PAN3: variants seen among roughly 807,000 people sequenced by gnomAD.
PAN3 encodes the protein PAN2-PAN3 deadenylation complex subunit PAN3.
A neutral mutation model predicts 96.2 loss-of-function variants in PAN3; 19 were observed. The ratio of observed to expected loss-of-function variants is 0.20; its 90% confidence interval spans 0.14 to 0.29. The LOEUF is 0.29. Among genes scored for constraint, PAN3 ranks in the 10% least tolerant of loss-of-function variants. The pLI, the probability that PAN3 is intolerant of heterozygous loss-of-function variation, is 1.00. For missense variants in PAN3, 882 were observed against 1,108.1 expected, an observed-to-expected ratio of 0.80 and a Z score of 2.90; for synonymous variants, 433 against 406.6, an observed-to-expected ratio of 1.06 and a Z score of -0.78.
intron 18 of PAN3, among the ~76,000 whole-genome samples, chr13:28,290,331 C>T (rs1225142291): frequency 1.3e-5 from 2 of 152,130 alleles, no homozygotes; most frequent in East Asian, 3.9e-4. Flanking sequence ...ACTACTTTGC[C>T]TTCCTTTAAC....
Position 28,220,334 on chromosome 13 carries a change from C to T in PAN3, c.956C>T (p.Ser319Phe), listed in dbSNP as rs544364853. The T allele has an allele frequency of 6.2e-7, 1 of 1,613,800 alleles. No homozygotes were observed. The highest frequency in any genetic ancestry group is 8.5e-7 in the Non-Finnish European group (1 of 1,179,790). The change falls in exon 6 of 19, where the codon TCT (serine) becomes TTT (phenylalanine). Residue 319 changes from serine to phenylalanine, a missense_variant. By Grantham distance (155) the Ser-to-Phe change is radical (BLOSUM62 -2). Transcript: ENST00000380958. ...SNMSAFSQVF[S>F]HPSMGSPATA... ...ATGTCTGCCTTCTCTCAAGTTTTCT[C>T]TCACCCATCCATGGGAAGCCCTGCT...
At chr13:28,249,981 CTCTT>C (rs1156305652) in intron 6 of PAN3, among the ~76,000 whole-genome samples, 1 of 152,116 alleles carries the variant, frequency 6.6e-6, no homozygotes, top group Non-Finnish European at 1.5e-5. Flanking sequence ...AAACATGTCT[CTCTT>C]TCTTCATTTG....
intron 4 of PAN3, among the ~76,000 whole-genome samples, chr13:28,191,809 A>T (rs748504862): frequency 6.6e-6 from 1 of 152,032 alleles, no homozygotes; most frequent in Admixed American, 6.6e-5. Context: ...GAGATGAGAC[A>T]TGTCACTGCA....
chr13:28,141,462 CTTTTTTTTT>C (rs759736683), intron 1 of PAN3, among the ~76,000 whole-genome samples: 3 of 90,350 alleles, frequency 3.3e-5, no homozygotes, highest in Non-Finnish European at 4.3e-5. Context: ...TTCTTTTTTT[CTTTTTTTTT>C]TTTTTTTTTT....
rs963679953 is a variant in PAN3, at chr13:28,216,318, G to T, written c.853-3913G>T. On this transcript the variant is annotated intron_variant, in intron 5 of 18. Coordinates refer to ENST00000380958, the MANE Select transcript of PAN3 (RefSeq NM_175854.8). ...GTCTCAGTGGTTTCCTGGAGACTTGGGGGCAGAGAGCAGAGAGGGGTGGAA... is the reference window on the plus strand; with the variant it reads ...GTCTCAGTGGTTTCCTGGAGACTTGTGGGCAGAGAGCAGAGAGGGGTGGAA... 7.9e-5 allele frequency among the ~76,000 whole-genome samples: 12 copies of T among 152,084 alleles called. 1 individual carries two copies. The highest frequency in any genetic ancestry group is 2.4e-4 in the African/African-American group (10 of 41,414).
At chr13:28,215,453 T>C in intron 5 of PAN3, 2 of 696,882 alleles carry the variant, frequency 2.9e-6, no homozygotes, top group South Asian at 3.3e-5. Context: ...GTTATGAATG[T>C]GTCTGTCAAA....
At chr13:28,158,846 C>T (rs911241116) in intron 1 of PAN3, among the ~76,000 whole-genome samples, 9 of 151,464 alleles carry the variant, frequency 5.9e-5, no homozygotes, top group African/African-American at 2.2e-4. Context: ...CCACTGCACT[C>T]CAGCCTGGGT....
intron 12 of PAN3, among the ~76,000 whole-genome samples, chr13:28,269,094 G>A (rs1886406983): frequency 6.6e-6 from 1 of 152,112 alleles, no homozygotes; most frequent in African/African-American, 2.4e-5. Context: ...GCTGTCTTAT[G>A]CATTTCAGAA....
chr13:28,260,430 C>G lies in PAN3; in HGVS notation c.1249-17C>G, dbSNP rs1199578424. 9 of 1,556,832 alleles carry G rather than the reference C, an allele frequency of 5.8e-6. No homozygotes were observed. Among genetic ancestry groups the G allele is most frequent in the Admixed American group, 5.0e-5 (3 of 59,850 alleles). The stretch of plus-strand genomic sequence containing the variant: ...GAAAAATGAGTGATTACATTTACCC[C>G]CTTCCTACCTTTTTAGGTGTTTCCA... On this transcript the variant is annotated splice_polypyrimidine_tract_variant and intron_variant, in intron 7 of 18. Transcript: ENST00000380958.
intron 4 of PAN3, among the ~76,000 whole-genome samples, chr13:28,180,907 A>G (rs916572577): frequency 1.3e-5 from 2 of 152,258 alleles, no homozygotes; most frequent in East Asian, 3.9e-4. Context: ...ATGAACCTAC[A>G]AGGGAACATT....
At chr13:28,206,920 A>G (rs1386100017) in intron 5 of PAN3, among the ~76,000 whole-genome samples, 1 of 151,734 alleles carries the variant, frequency 6.6e-6, no homozygotes, top group Non-Finnish European at 1.5e-5. Context: ...TTCCCCTCCT[A>G]GTCCTCTGCA....
chr13:28,173,737 C>T (rs1162205591), intron 1 of PAN3, among the ~76,000 whole-genome samples: 1 of 152,180 alleles, frequency 6.6e-6, no homozygotes. Context: ...CCTAATAGTT[C>T]TACAGTCCTT....
intron 4 of PAN3, among the ~76,000 whole-genome samples, chr13:28,178,585 C>T (rs1002191062): frequency 1.3e-5 from 2 of 151,812 alleles, no homozygotes; most frequent in African/African-American, 4.8e-5. Context: ...GGATCAGCAA[C>T]AGCTAAAGAT....
chr13:28,166,015 C>T (rs1385611313), intron 1 of PAN3, among the ~76,000 whole-genome samples: 28 of 152,162 alleles, frequency 1.8e-4, no homozygotes, highest in Admixed American at 1.8e-3. Context: ...CAGACCATTG[C>T]ATTCTGCCCC....
In PAN3 at chr13:28,256,509, A is replaced by G; in HGVS notation, c.1218A>G (p.Thr406=). 5 of 1,613,958 alleles carry G rather than the reference A, an allele frequency of 3.1e-6. No homozygotes were observed. Among genetic ancestry groups the G allele is most frequent in the Non-Finnish European group, 3.4e-6 (4 of 1,179,906 alleles). The change falls in exon 7 of 19, where the codon ACA becomes ACG. Residue 406 remains threonine (T), a synonymous_variant. Coordinates refer to ENST00000380958, the MANE Select transcript of PAN3 (RefSeq NM_175854.8). The part of the protein sequence containing the change: ...ETVGGTTYFY[T]DTTPAPLTGM... ...TTGGTGGGACGACTTACTTCTATACAGACACAACTCCAGCACCTTTGACTG... is the reference window on the plus strand; with the variant it reads ...TTGGTGGGACGACTTACTTCTATACGGACACAACTCCAGCACCTTTGACTG...
intron 4 of PAN3, among the ~76,000 whole-genome samples, chr13:28,192,097 G>GTGCAGTGGCACCATCTCAGCTCAC (rs1877352844): frequency 6.9e-6 from 1 of 144,202 alleles, no homozygotes; most frequent in Non-Finnish European, 1.5e-5. Flanking sequence ...CCAGGCTGGA[G>GTGCAGTGGCACCATCTCAGCTCAC]TGCAGTGGCA....
intron 16 of PAN3, among the ~76,000 whole-genome samples, chr13:28,281,022 A>AC (rs1181896305): frequency 1.3e-5 from 2 of 152,208 alleles, no homozygotes; most frequent in African/African-American, 4.8e-5. Context: ...TGTCCTCTGG[A>AC]CAACACTGTT....
chr13:28,210,902 G>T lies in PAN3; in HGVS notation c.853-9329G>T, dbSNP rs996081623. Among the ~76,000 whole-genome samples, 4 of 151,814 alleles carry T rather than the reference G, an allele frequency of 2.6e-5. No individual in the cohort carries two copies. The East Asian group carries it at 7.7e-4, about 29-fold the overall frequency. ...AATTGGGCTGCTCTTTAGGTCCATG[G>T]ATCTCATCTTTATTTTTTTTGAGAC... is the stretch of plus-strand genomic sequence containing the variant. On this transcript the variant is annotated intron_variant, in intron 5 of 18. Transcript: ENST00000380958.
At chr13:28,291,420 C>T (rs1285628612) in intron 18 of PAN3, among the ~76,000 whole-genome samples, 1 of 152,128 alleles carries the variant, frequency 6.6e-6, no homozygotes. Flanking sequence ...CTAGCATTTA[C>T]ACAAGCAGAA....
Sources: allele counts gnomAD v4.1 joint callset (sites outside exome capture counted in the v4.1 genomes callset), GRCh38; gene constraint gnomAD v4.1.1; transcripts MANE v1.5; gene names NCBI Gene and HGNC (gene_info 2026-07-23, HGNC 2026-07-21).